Variants in QKI observed in about 807,000 individuals in gnomAD.
The protein encoded by QKI is QKI, KH domain containing RNA binding.
QKI carries 10 observed loss-of-function variants against 39.0 expected under a neutral mutation model. The observed-to-expected ratio is 0.26, with a 90% CI of 0.16 to 0.43. QKI has a LOEUF of 0.43. Ranked by LOEUF, QKI falls within the 20% of genes least tolerant of loss-of-function variation. QKI has a pLI of 1.00. For missense variants in QKI, 218 were observed against 428.0 expected (o/e 0.51, Z 4.33); for synonymous variants, 204 against 155.4 (o/e 1.31, Z -2.33).
chr6:163,535,907 G>A (rs1342065133), intron 4 of QKI, among the ~76,000 whole-genome samples: 1 of 152,110 alleles, frequency 6.6e-6, no homozygotes, highest in Non-Finnish European at 1.5e-5. Flanking sequence ...ACTCCAGCCT[G>A]GGTGACAGAG....
intron 6 of QKI, chr6:163,565,811 CATT>C (rs1337242133): frequency 2.2e-6 from 3 of 1,370,808 alleles, no homozygotes; most frequent in African/African-American, 2.9e-5. Flanking sequence ...TCACATCTCA[CATT>C]AAATTATTTT....
intron 1 of QKI, among the ~76,000 whole-genome samples, chr6:163,427,663 G>A (rs191891420): frequency 1.1e-4 from 17 of 152,024 alleles, no homozygotes; most frequent in African/African-American, 2.7e-4. Flanking sequence ...AGGTGCGTGC[G>A]TGTGTGTGCC....
intron 1 of QKI, among the ~76,000 whole-genome samples, chr6:163,426,687 T>C (rs1788430484): frequency 6.6e-6 from 1 of 152,178 alleles, no homozygotes; most frequent in Admixed American, 6.5e-5. Context: ...TTGGCATCCT[T>C]TGAAAGGTAC....
chr6:163,446,463 G>T (rs906664938), intron 1 of QKI, among the ~76,000 whole-genome samples: 16 of 152,110 alleles, frequency 1.1e-4, no homozygotes, highest in African/African-American at 3.9e-4. Flanking sequence ...CCTGGATTCT[G>T]ATGATATCAA....
intron 3 of QKI, 21 bp from the exon 4 acceptor site, chr6:163,534,961 T>C (rs764639793): frequency 3.8e-6 from 6 of 1,575,006 alleles, no homozygotes; most frequent in Non-Finnish European, 4.3e-6. Context: ...ATTTTAATCA[T>C]GTACTCTGTA....
intron 7 of QKI, 170 bp downstream of exon 7, chr6:163,566,965 T>C (rs2128251803): frequency 1.4e-6 from 2 of 1,385,494 alleles, no homozygotes; most frequent in Non-Finnish European, 9.3e-7. Flanking sequence ...TTTTTTGTTT[T>C]GGTTTGGTTT....
chr6:163,525,905 G>T (rs992123279), intron 3 of QKI, among the ~76,000 whole-genome samples: 2 of 152,138 alleles, frequency 1.3e-5, no homozygotes, highest in Admixed American at 1.3e-4. Flanking sequence ...TTATTAAAAG[G>T]ATTAAGTTAT....
chr6:163,415,166 G>T lies in QKI; in HGVS notation c.-28G>T, dbSNP rs374822775. 13 of 1,442,748 alleles carry T rather than the reference G, an allele frequency of 9.0e-6. No individual in the cohort carries two copies. The African/African-American group carries it at 1.8e-4, about 20-fold the overall frequency. 89.4% of individuals were successfully genotyped at this position (1,442,748 alleles called of 1,614,324 possible). A position where few individuals can be genotyped will look rare whatever the true frequency, so the allele number is the denominator to read the frequency against. ...CTCCGGCGGCGGCGGCGGCGGCGGC[G>T]GGCGGAGTGAGCTGCGGAGCCTGGA... is the stretch of plus-strand genomic sequence containing the variant. On this transcript the variant is annotated 5_prime_UTR_variant, in exon 1 of 8. Coordinates refer to ENST00000361752, the MANE Select transcript of QKI (RefSeq NM_006775.3).
intron 4 of QKI, among the ~76,000 whole-genome samples, chr6:163,546,007 T>C (rs1219408951): frequency 6.7e-6 from 1 of 148,242 alleles, no homozygotes; most frequent in East Asian, 1.9e-4. Flanking sequence ...ATTTTATAAT[T>C]GGTATAAATA....
intron 1 of QKI, chr6:163,416,066 G>T (rs936428486): frequency 1.2e-4 from 11 of 92,062 alleles, no homozygotes; most frequent in Admixed American, 3.4e-4. Flanking sequence ...GGGGGGGGGG[G>T]GGTGGAGTGC....
chr6:163,462,320 G>A (rs1220284571), intron 2 of QKI, among the ~76,000 whole-genome samples: 1 of 152,028 alleles, frequency 6.6e-6, no homozygotes, highest in African/African-American at 2.4e-5. Flanking sequence ...AAATAAATTG[G>A]GGATTTCTTG....
At chr6:163,478,936 C>G in intron 3 of QKI, 40 bp downstream of exon 3, 1 of 1,401,022 alleles carries the variant, frequency 7.1e-7, no homozygotes, top group South Asian at 1.2e-5. Context: ...ATGTGAGTAA[C>G]TTACTATACT....
In QKI at chr6:163,537,844, A is replaced by G. The variant is rs543432233; in HGVS notation, c.546+2719A>G. Among the ~76,000 whole-genome samples the G allele has an allele frequency of 5.9e-5, 9 of 152,310 alleles. No homozygotes were observed. In the East Asian group the frequency reaches 1.4e-3, roughly 23 times the overall value. ...CCTTCTTCTGGGGCCTCTCAAACCC[A>G]TCTTTACTTTGCAGTCTATTGTTAC... On this transcript the variant is annotated intron_variant, in intron 4 of 7. Coordinates refer to ENST00000361752, the MANE Select transcript of QKI (RefSeq NM_006775.3).
At chr6:163,470,970 G>T (rs1030639257) in intron 2 of QKI, among the ~76,000 whole-genome samples, 1 of 152,096 alleles carries the variant, frequency 6.6e-6, no homozygotes, top group African/African-American at 2.4e-5. Flanking sequence ...TTTGAGGGAA[G>T]TGTGTTTCAG....
At chr6:163,537,128 G>A (rs1410805988) in intron 4 of QKI, among the ~76,000 whole-genome samples, 1 of 152,122 alleles carries the variant, frequency 6.6e-6, no homozygotes, top group Non-Finnish European at 1.5e-5. Context: ...GGATCGCTGA[G>A]GCCAAGAAGT....
intron 3 of QKI, among the ~76,000 whole-genome samples, chr6:163,491,156 T>A (rs913665780): frequency 5.9e-5 from 9 of 152,192 alleles, no homozygotes; most frequent in African/African-American, 2.2e-4. Context: ...CTGTCTGTGG[T>A]AAGAGACCCA....
At chr6:163,515,869 A>G (rs974527340) in intron 3 of QKI, among the ~76,000 whole-genome samples, 5 of 152,194 alleles carry the variant, frequency 3.3e-5, no homozygotes, top group African/African-American at 7.2e-5. Context: ...GACATTTGCT[A>G]TGTAATCAAA....
At position 163,416,067 on chromosome 6, in the gene QKI, GGT is replaced by G. The variant is rs1244509984; in HGVS notation, c.142+734_142+735del. 8.9e-3 allele frequency: 680 copies of G among 76,570 alleles called. 1 individual carries two copies. Among genetic ancestry groups the G allele is most frequent in the African/African-American group, 0.036 (286 of 7,890 alleles). The allele number at this position is 76,570 out of a possible 1,614,324, so 4.7% of individuals were successfully genotyped here. On this transcript the variant is annotated intron_variant, in intron 1 of 7. Transcript: ENST00000361752. ...ACTTTTCGGGGGTGGGGGGGGGGGG[GGT>G]GGAGTGCGAAATAACGCGATGACAG...
In QKI at chr6:163,570,830, C is replaced by A; in HGVS notation, c.*120C>A. The A allele has an allele frequency of 7.7e-7, 1 of 1,302,424 alleles. No homozygotes were observed. Among genetic ancestry groups the A allele is most frequent in the South Asian group, 1.6e-5 (1 of 62,456 alleles). The allele number at this position is 1,302,424 out of a possible 1,614,324, so 80.7% of individuals were successfully genotyped here. On this transcript the variant is annotated 3_prime_UTR_variant, in exon 8 of 8. Transcript: ENST00000361752. ...GTCGTCAGTGCAGCGAGCTGAGGCA[C>A]TTGTCCGTTCGTCTTACCATCTAAC...
Sources: gnomAD v4.1 joint callset for allele counts (sites outside exome capture counted in the v4.1 genomes callset) on GRCh38, gnomAD v4.1.1 for gene constraint, MANE v1.5 for transcripts, NCBI Gene and HGNC (gene_info 2026-07-23, HGNC 2026-07-21) for gene names.